The following PTPRD variants were observed in gnomAD, a reference collection of about 807,000 sequenced individuals.
PTPRD encodes protein tyrosine phosphatase receptor type D.
Under a neutral mutation model 214.5 loss-of-function variants are expected in PTPRD, and 34 were observed. The observed-to-expected ratio is 0.16, with a 90% CI of 0.12 to 0.21. PTPRD has a LOEUF of 0.21. Ranked by LOEUF, PTPRD falls within the 10% of genes least tolerant of loss-of-function variation. The probability of loss-of-function intolerance (pLI) is 1.00; values close to 1 mark genes in which losing one functional copy is unlikely to be tolerated. For missense variants in PTPRD, 2,545 were observed against 2,398.7 expected (o/e 1.06, Z -1.27); for synonymous variants, 1,128 against 845.7 (o/e 1.33, Z -5.79).
chr9:9,484,057 G>C (rs908172708), intron 8 of PTPRD, among the ~76,000 whole-genome samples: 5 of 151,570 alleles, frequency 3.3e-5, no homozygotes, highest in Non-Finnish European at 7.4e-5. Flanking sequence ...CTAATGACCA[G>C]CTGCATTTTA....
rs569981037 is a variant in PTPRD, at chr9:9,164,374, G to A, written c.-143+18930C>T. The stretch of plus-strand genomic sequence containing the variant: ...CCCACATTGATTTTCTGCCTCTCTC[G>A]TTCTCTTATAAGGATCTTGGTGATT... On this transcript the variant is annotated intron_variant, in intron 10 of 45. Transcript: ENST00000381196. 1.5e-3 allele frequency among the ~76,000 whole-genome samples: 235 copies of A among 151,964 alleles called. 1 individual carries two copies. The Middle Eastern group carries it at 0.02, about 13-fold the overall frequency.
chr9:8,954,740 T>C (rs547945291), intron 11 of PTPRD, among the ~76,000 whole-genome samples: 25 of 151,982 alleles, frequency 1.6e-4, no homozygotes, highest in African/African-American at 6.0e-4. Flanking sequence ...CTTGGGCATT[T>C]AGATACATGA....
At chr9:8,807,587 A>G (rs940469109) in intron 11 of PTPRD, among the ~76,000 whole-genome samples, 1 of 151,478 alleles carries the variant, frequency 6.6e-6, no homozygotes, top group Non-Finnish European at 1.5e-5. Flanking sequence ...TGGTTAAAGA[A>G]CTTTGAATAG....
At chr9:10,567,837 C>A (rs1379966804) in intron 2 of PTPRD, among the ~76,000 whole-genome samples, 4 of 151,520 alleles carry the variant, frequency 2.6e-5, no homozygotes, top group Non-Finnish European at 1.5e-5. Context: ...CCAGTTAAAC[C>A]ATTGCATTAA....
intron 11 of PTPRD, among the ~76,000 whole-genome samples, chr9:9,011,506 T>G (rs1337017712): frequency 1.3e-5 from 2 of 152,088 alleles, no homozygotes; most frequent in African/African-American, 2.4e-5. Flanking sequence ...GAAAAAACTG[T>G]GTTATTCAAA....
chr9:9,640,761 A>C (rs1392583071), intron 7 of PTPRD, among the ~76,000 whole-genome samples: 1 of 152,228 alleles, frequency 6.6e-6, no homozygotes, highest in African/African-American at 2.4e-5. Flanking sequence ...AGGAAGCAAT[A>C]AATCAAAAAG....
rs1481966365 is a variant in PTPRD at position 8,339,010 on chromosome 9, G to A, written c.5291C>T (p.Ala1764Val). The change falls in exon 43 of 46, where the codon GCA becomes GTA. Residue 1764 changes from alanine (A) to valine (V), a missense_variant. By Grantham distance (64) the Ala-to-Val change is moderately conservative (BLOSUM62 0). Coordinates refer to ENST00000381196, the MANE Select transcript of PTPRD (RefSeq NM_002839.4). ...ATCTACAACAAAGTACTGGTATCTTGCAGACCGTTCTGCTGGCCAGTATTG... is the reference window on the plus strand; with the variant it reads ...ATCTACAACAAAGTACTGGTATCTTACAGACCGTTCTGCTGGCCAGTATTG... ...CHQYWPAERSARYQYFVVDPM... is the reference protein window; with the variant it reads ...CHQYWPAERSVRYQYFVVDPM... The A allele has an allele frequency of 6.2e-7, 1 of 1,612,140 alleles. No individual in the cohort carries two copies. The highest frequency in any genetic ancestry group is 8.5e-7 in the Non-Finnish European group (1 of 1,178,788).
At chr9:8,750,408 T>C (rs1314284571) in intron 11 of PTPRD, among the ~76,000 whole-genome samples, 3 of 152,102 alleles carry the variant, frequency 2.0e-5, no homozygotes, top group Non-Finnish European at 2.9e-5. Flanking sequence ...TCCACCCACC[T>C]TGGCCACCGA....
intron 7 of PTPRD, among the ~76,000 whole-genome samples, chr9:9,677,083 T>G (rs1344705443): frequency 6.6e-6 from 1 of 152,290 alleles, no homozygotes; most frequent in Middle Eastern, 3.4e-3. Context: ...AGGTTGCCTG[T>G]TCACTCTGAT....
chr9:9,701,355 G>A (rs1018862525), intron 7 of PTPRD, among the ~76,000 whole-genome samples: 1 of 152,140 alleles, frequency 6.6e-6, no homozygotes, highest in Non-Finnish European at 1.5e-5. Context: ...AAAAAGTTAT[G>A]CTAATAATTA....
intron 8 of PTPRD, among the ~76,000 whole-genome samples, chr9:9,550,257 A>T (rs924331930): frequency 6.6e-6 from 1 of 151,532 alleles, no homozygotes; most frequent in Non-Finnish European, 1.5e-5. Context: ...CTGAATCTCC[A>T]TCCTGCCAGC....
intron 3 of PTPRD, among the ~76,000 whole-genome samples, chr9:10,246,404 C>A (rs1351776230): frequency 6.6e-6 from 1 of 152,056 alleles, no homozygotes; most frequent in Non-Finnish European, 1.5e-5. Flanking sequence ...CCATCATGCC[C>A]AGATAATTTT....
At position 9,422,025 on chromosome 9, in the gene PTPRD, A is replaced by C. The variant is rs113535970; in HGVS notation, c.-236-24543T>G. On this transcript the variant is annotated intron_variant, in intron 8 of 45. Transcript: ENST00000381196. ...AAAAAAACAGTAAAGAATGTGAAGG[A>C]GTAATGAAAGCTTTTGACATCTATG... Among the ~76,000 whole-genome samples the C allele has an allele frequency of 1.1e-3, 160 of 152,204 alleles. 1 individual carries two copies. The highest frequency in any genetic ancestry group is 3.7e-3 in the African/African-American group (153 of 41,558).
At chr9:9,090,899 T>A in intron 10 of PTPRD, 1 of 1,359,346 alleles carries the variant, frequency 7.4e-7, no homozygotes, top group South Asian at 1.2e-5. Context: ...GCCTCCAAGA[T>A]GACAAAGAAA....
intron 5 of PTPRD, among the ~76,000 whole-genome samples, chr9:9,815,579 C>T (rs915301020): frequency 3.3e-5 from 5 of 151,952 alleles, no homozygotes; most frequent in African/African-American, 1.2e-4. Context: ...TAAAGAAATC[C>T]TACAGACTGG....
chr9:8,406,994 T>C (rs2093048347), intron 35 of PTPRD, among the ~76,000 whole-genome samples: 4 of 152,220 alleles, frequency 2.6e-5, no homozygotes, highest in Admixed American at 2.6e-4. Context: ...TAAGATGGCA[T>C]GCATTTACTT....
At chr9:9,595,433 C>G (rs2093241941) in intron 7 of PTPRD, among the ~76,000 whole-genome samples, 1 of 149,464 alleles carries the variant, frequency 6.7e-6, no homozygotes. Flanking sequence ...CACATATACA[C>G]ACGTGTACAC....
In PTPRD at chr9:8,528,622, G is replaced by A. The variant is rs773866261; in HGVS notation, c.510C>T (p.Asn170=). Residue 170 remains asparagine, a synonymous_variant, in exon 15 of 46, where the codon AAC becomes AAT. Transcript: ENST00000381196. ...GTAACTGCTTAATACGACCATTGTT[G>A]TTGCTTGTGTCCACAGGTAAGAAAT... ...FKDFLPVDTS[N]NNGRIKQLRS... 6.2e-7 allele frequency: 1 copy of A among 1,613,684 alleles called. No individual in the cohort carries two copies. Among genetic ancestry groups the A allele is most frequent in the South Asian group, 1.1e-5 (1 of 91,066 alleles).
chr9:9,634,142 A>G lies in PTPRD; in HGVS notation c.-286-59361T>C, dbSNP rs372837236. ...TCAATTGTGTGGTCAAAAATTCTAC[A>G]TCATCATAAAGGGATGATGCTCCTT... is the stretch of plus-strand genomic sequence containing the variant. On this transcript the variant is annotated intron_variant, in intron 7 of 45. Transcript: ENST00000381196. Among the ~76,000 whole-genome samples, 8 of 152,240 alleles carry G rather than the reference A, an allele frequency of 5.3e-5. No homozygotes were observed. In the East Asian group the frequency reaches 5.8e-4, roughly 11 times the overall value.
Sources: allele counts gnomAD v4.1 joint callset (sites outside exome capture counted in the v4.1 genomes callset), GRCh38; gene constraint gnomAD v4.1.1; transcripts MANE v1.5; gene names NCBI Gene and HGNC (gene_info 2026-07-23, HGNC 2026-07-21).